DENND4B: variants seen among roughly 807,000 people sequenced by gnomAD.
DENND4B encodes the protein DENN domain containing 4B, also known as DENN domain-containing protein 4B.
DENND4B carries 67 observed loss-of-function variants against 161.0 expected under a neutral mutation model. The ratio of observed to expected loss-of-function variants is 0.42; its 90% CI spans 0.34 to 0.51. The LOEUF (loss-of-function observed/expected upper bound fraction) is 0.51, where lower values mean the gene tolerates loss of function less well. DENND4B is among the 20% of genes least tolerant of loss of function. The pLI is 0.08. For missense variants in DENND4B, 1,481 were observed against 1,968.0 expected (o/e 0.75, Z 4.68); for synonymous variants, 753 against 813.8 (o/e 0.93, Z 1.27).
At position 153,942,616 on chromosome 1, in the gene DENND4B, C is replaced by T; in HGVS notation, c.580G>A (p.Ala194Thr). ...RNLNPGMWGP[A>T]VYLCYKVGLA... is the part of the protein sequence containing the mutation. ...CCCACCTTATAGCACAGGTACACTG[C>T]TGGGCCCCACTACCCCAGAAATGGC... Residue 194 changes from alanine (A) to threonine (T), a missense_variant, in exon 4 of 28, where the codon GCA (alanine) becomes ACA (threonine). This residue lies in a region of DENND4B where 806 missense variants were observed against 1,134.4 expected (regional missense o/e 0.71). Transcript: ENST00000361217. This position sits in a 1 kb window ranked among gnomAD's most constrained non-coding sequence, Gnocchi z 6.9. 6.3e-7 allele frequency: 1 copy of T among 1,591,874 alleles called. No homozygotes were observed.
chr1:153,930,314 C>T lies in DENND4B; in HGVS notation c.4474G>A (p.Ala1492Thr). 1 of 1,613,916 alleles carries T rather than the reference C, an allele frequency of 6.2e-7. No individual in the cohort carries two copies. Among genetic ancestry groups the T allele is most frequent in the Non-Finnish European group, 8.5e-7 (1 of 1,179,802 alleles). ...TAAGGTCTCTAGCATTCTGGAGGTG[C>T]TCCAAAACATTTTCGGCAGTCAATG... The part of the protein sequence containing the change: ...KAIDCRKCFG[A>T]PPEC The change falls in exon 28 of 28, where the codon GCA becomes ACA. Residue 1492 changes from alanine (A) to threonine (T), a missense_variant. Ala to Thr is a moderately conservative substitution (Grantham distance 58, BLOSUM62 0). Coordinates refer to ENST00000361217, the MANE Select transcript of DENND4B (RefSeq NM_014856.3). This position sits in a 1 kb window ranked among gnomAD's most constrained non-coding sequence, Gnocchi z 4.7.
chr1:153,938,238 G>A (rs547654586), intron 13 of DENND4B, among the ~76,000 whole-genome samples: 14 of 152,098 alleles, frequency 9.2e-5, no homozygotes, highest in Admixed American at 2.0e-4. Context: ...GTGAAACCCT[G>A]TCTCTAGTAA....
In DENND4B at chr1:153,943,150, A is replaced by G. The variant is rs776095696; in HGVS notation, c.318-20T>C. The G allele has an allele frequency of 1.9e-6, 3 of 1,601,858 alleles. No homozygotes were observed. The highest frequency in any genetic ancestry group is 2.6e-6 in the Non-Finnish European group (3 of 1,171,242). On this transcript the variant is annotated intron_variant, in intron 2 of 27. Coordinates refer to ENST00000361217, the MANE Select transcript of DENND4B (RefSeq NM_014856.3). Reference sequence around the variant, plus strand: ...AACACCCTTGGCACAGAGAGCAAAGATAGATGTTGAGAGGTCAGGGTAGAG... The same window carrying G: ...AACACCCTTGGCACAGAGAGCAAAGGTAGATGTTGAGAGGTCAGGGTAGAG...
Position 153,946,332 on chromosome 1 carries a change from T to A in DENND4B, c.-55A>T. ...CGCGCTTCCCGGCCGGCCGGCCCGCTGGCGGGTGGCTCGGAGGGCGAGCTG... is the reference window on the plus strand; with the variant it reads ...CGCGCTTCCCGGCCGGCCGGCCCGCAGGCGGGTGGCTCGGAGGGCGAGCTG... On this transcript the variant is annotated 5_prime_UTR_variant, in exon 1 of 28. Transcript: ENST00000361217. This position sits in a 1 kb window ranked among gnomAD's most constrained non-coding sequence, Gnocchi z 6.3. The A allele has an allele frequency of 2.7e-6, 1 of 366,406 alleles. No individual in the cohort carries two copies. Among genetic ancestry groups the A allele is most frequent in the Non-Finnish European group, 4.9e-6 (1 of 205,318 alleles). The allele number at this position is 366,406 out of a possible 1,614,324, so 22.7% of individuals were successfully genotyped here.
chr1:153,938,250 A>C (rs187628561), intron 13 of DENND4B, among the ~76,000 whole-genome samples: 85 of 152,160 alleles, frequency 5.6e-4, no homozygotes, highest in African/African-American at 2.0e-3. Flanking sequence ...CTCTAGTAAA[A>C]ATACAAAAAT....
Position 153,934,824 on chromosome 1 carries a change from C to CTGCTGT in DENND4B, c.2703_2708dup (p.Gln909_Gln910dup). 7.3e-7 allele frequency: 1 copy of CTGCTGT among 1,363,304 alleles called. No individual in the cohort carries two copies. The highest frequency in any genetic ancestry group is 1.0e-6 in the Non-Finnish European group (1 of 983,644). The allele number at this position is 1,363,304 out of a possible 1,614,324, so 84.5% of individuals were successfully genotyped here. A position where few individuals can be genotyped will look rare whatever the true frequency, so the allele number is the denominator to read the frequency against. ...GCTCCTGCTGCTGCTGCTGCTGCTGCTGCTGTTGCTGCTGCTGCTGCTGTT... is the reference window on the plus strand; with the variant it reads ...GCTCCTGCTGCTGCTGCTGCTGCTGCTGCTGTTGCTGTTGCTGCTGCTGCTGCTGTT... On this transcript the variant is annotated inframe_insertion, in exon 18 of 28. Transcript: ENST00000361217. The surrounding 1 kb of genome is among the most constrained non-coding windows in gnomAD (Gnocchi z 5.3).
chr1:153,941,751 G>T, intron 6 of DENND4B, 118 bp downstream of exon 6: 1 of 1,496,796 alleles, frequency 6.7e-7, no homozygotes. Flanking sequence ...ACACACTGCA[G>T]CCCTGTCCCT....
Position 153,942,286 on chromosome 1 carries a change from G to A in DENND4B, c.711C>T (p.Cys237=). 2.5e-6 allele frequency: 4 copies of A among 1,613,874 alleles called. No individual in the cohort carries two copies. The highest frequency in any genetic ancestry group is 3.4e-6 in the Non-Finnish European group (4 of 1,179,858). The part of the protein sequence containing the change: ...FPLPESVPVF[C]LPMGATIECW... ...ACTCGATAGTGGCCCCCATGGGCAG[G>A]CAGAAGACGGGCACTGACTCGGGCA... Residue 237 remains cysteine (C), a synonymous_variant, in exon 5 of 28, where the codon TGC becomes TGT. Transcript: ENST00000361217. The surrounding 1 kb of genome is among the most constrained non-coding windows in gnomAD (Gnocchi z 6.9).
Position 153,944,013 on chromosome 1 carries a change from T to C in DENND4B, c.317+45A>G. 6.7e-7 allele frequency: 1 copy of C among 1,497,544 alleles called. No homozygotes were observed. The highest frequency in any genetic ancestry group is 8.9e-7 in the Non-Finnish European group (1 of 1,121,948). 92.8% of individuals were successfully genotyped at this position (1,497,544 alleles called of 1,614,324 possible). A position where few individuals can be genotyped will look rare whatever the true frequency, so the allele number is the denominator to read the frequency against. ...CCTACCTCTCCCTGTCTCACTGGAG[T>C]CCCTCCCAGCCTCCCCTGGTGCCAG... On this transcript the variant is annotated intron_variant, in intron 2 of 27. Coordinates refer to ENST00000361217, the MANE Select transcript of DENND4B (RefSeq NM_014856.3). The surrounding 1 kb of genome is among the most constrained non-coding windows in gnomAD (Gnocchi z 4.8).
intron 2 of DENND4B, 134 bp from the exon 3 acceptor site, chr1:153,943,264 C>A: frequency 7.9e-7 from 1 of 1,270,700 alleles, no homozygotes; most frequent in Admixed American, 2.5e-5. Flanking sequence ...ACACTAGGGC[C>A]CACCTCTTCT....
In DENND4B at chr1:153,945,266, G is replaced by C; in HGVS notation, c.-23-869C>G. On this transcript the variant is annotated intron_variant, in intron 1 of 27. Coordinates refer to ENST00000361217, the MANE Select transcript of DENND4B (RefSeq NM_014856.3). ...CAGAAGCGTGGGGGGTGCTTCAGAG[G>C]GGAAGGGAGGTTACTTCCTGAAACA... 1.7e-5 allele frequency: 15 copies of C among 896,178 alleles called. No individual in the cohort carries two copies. In the South Asian group the frequency reaches 2.1e-4, roughly 13 times the overall value. 55.5% of individuals were successfully genotyped at this position (896,178 alleles called of 1,614,324 possible). A position where few individuals can be genotyped will look rare whatever the true frequency, so the allele number is the denominator to read the frequency against.
At position 153,942,538 on chromosome 1, in the gene DENND4B, G is replaced by A. The variant is rs900039829; in HGVS notation, c.640+18C>T. On this transcript the variant is annotated intron_variant, in intron 4 of 27. Coordinates refer to ENST00000361217, the MANE Select transcript of DENND4B (RefSeq NM_014856.3). The surrounding 1 kb of genome is among the most constrained non-coding windows in gnomAD (Gnocchi z 6.9). Reference sequence around the variant, plus strand: ...GGATGTAGGGTCACAGGATTGGAGGGATAAAGGGGCCACTCACCTGCCTCG... The same window carrying A: ...GGATGTAGGGTCACAGGATTGGAGGAATAAAGGGGCCACTCACCTGCCTCG... 1.9e-6 allele frequency: 3 copies of A among 1,590,100 alleles called. No individual in the cohort carries two copies. Among genetic ancestry groups the A allele is most frequent in the Non-Finnish European group, 2.6e-6 (3 of 1,168,056 alleles).
In DENND4B at chr1:153,935,815, G is replaced by A. The variant is rs188613596; in HGVS notation, c.2568+245C>T. The A allele has an allele frequency of 1.4e-4, 65 of 479,394 alleles. 1 individual carries two copies. In the East Asian group the frequency reaches 1.5e-3, roughly 11 times the overall value. 29.7% of individuals were successfully genotyped at this position (479,394 alleles called of 1,614,324 possible). On this transcript the variant is annotated intron_variant, in intron 17 of 27. Transcript: ENST00000361217. ...TAAAATGTGTGATGCGTATGGACCCGTGCCTGGCTTAGCGGCTGACACTAT... is the reference window on the plus strand; with the variant it reads ...TAAAATGTGTGATGCGTATGGACCCATGCCTGGCTTAGCGGCTGACACTAT...
At position 153,934,441 on chromosome 1, in the gene DENND4B, G is replaced by T; in HGVS notation, c.2774-139C>A. 7.9e-7 allele frequency: 1 copy of T among 1,271,930 alleles called. No homozygotes were observed. Among genetic ancestry groups the T allele is most frequent in the Non-Finnish European group, 1.1e-6 (1 of 933,150 alleles). The allele number at this position is 1,271,930 out of a possible 1,614,324, so 78.8% of individuals were successfully genotyped here. The stretch of plus-strand genomic sequence containing the variant: ...TTATCCGTTTTGTGTTTGTTTGTTT[G>T]TTTGTTTTGTTTTGTTTTTTGAGAT... On this transcript the variant is annotated intron_variant, in intron 18 of 27. Coordinates refer to ENST00000361217, the MANE Select transcript of DENND4B (RefSeq NM_014856.3). The surrounding 1 kb of genome is among the most constrained non-coding windows in gnomAD (Gnocchi z 5.3).
chr1:153,942,808 C>G lies in DENND4B; in HGVS notation c.570+70G>C, dbSNP rs1679750894. The G allele has an allele frequency of 2.0e-6, 3 of 1,531,232 alleles. No individual in the cohort carries two copies. The highest frequency in any genetic ancestry group is 2.7e-5 in the African/African-American group (2 of 73,126). The allele number at this position is 1,531,232 out of a possible 1,614,324, so 94.9% of individuals were successfully genotyped here. A position where few individuals can be genotyped will look rare whatever the true frequency, so the allele number is the denominator to read the frequency against. On this transcript the variant is annotated intron_variant, in intron 3 of 27. Transcript: ENST00000361217. This position sits in a 1 kb window ranked among gnomAD's most constrained non-coding sequence, Gnocchi z 6.9. ...GGTCAGAGCCTTGGTCCTGGGATGC[C>G]CTTTGTTCCCAGTGTCCACACCCAC...
rs1425356082 is a variant in DENND4B, at chr1:153,932,748, C to T, written c.3653G>A (p.Ser1218Asn). 2.5e-6 allele frequency: 4 copies of T among 1,613,960 alleles called. No homozygotes were observed. The highest frequency in any genetic ancestry group is 3.4e-6 in the Non-Finnish European group (4 of 1,179,914). ...SVPSPKSAGA[S>N]GSKDAPVPGG... Reference sequence around the variant, plus strand: ...AGGGACAGGAGCATCTTTGCTGCCACTGGCACCAGCAGATTTGGGGCTGGG... The same window carrying T: ...AGGGACAGGAGCATCTTTGCTGCCATTGGCACCAGCAGATTTGGGGCTGGG... Residue 1218 changes from serine to asparagine, a missense_variant, in exon 23 of 28, where the codon AGT (serine) becomes AAT (asparagine). Ser to Asn is a conservative substitution (Grantham distance 46). Coordinates refer to ENST00000361217, the MANE Select transcript of DENND4B (RefSeq NM_014856.3). This position sits in a 1 kb window ranked among gnomAD's most constrained non-coding sequence, Gnocchi z 5.8.
At chr1:153,945,405 C>G (rs1021971828) in intron 1 of DENND4B, 1 of 316,164 alleles carries the variant, frequency 3.2e-6, no homozygotes, top group Non-Finnish European at 6.4e-6. Context: ...AAGTTGGAAT[C>G]TCAGACTATA....
At chr1:153,939,874 C>G in intron 11 of DENND4B, 70 bp from the exon 12 acceptor site, 1 of 1,464,762 alleles carries the variant, frequency 6.8e-7, no homozygotes, top group Non-Finnish European at 9.4e-7. Context: ...GCTCTCATGC[C>G]TCCATCTCCA....
In DENND4B at chr1:153,937,027, G is replaced by A. The variant is rs1036926949; in HGVS notation, c.2233-279C>T. On this transcript the variant is annotated intron_variant, in intron 15 of 27. Transcript: ENST00000361217. The surrounding 1 kb of genome is among the most constrained non-coding windows in gnomAD (Gnocchi z 4.7). ...CCAGGCTAGTCACAAACTCCTGGGC[G>A]CAAGTGATCTGCCTGCCTCAGCCTC... 2.6e-5 allele frequency among the ~76,000 whole-genome samples: 4 copies of A among 152,176 alleles called. No homozygotes were observed. Among genetic ancestry groups the A allele is most frequent in the Admixed American group, 6.5e-5 (1 of 15,276 alleles).
Sources: allele counts gnomAD v4.1 joint callset (sites outside exome capture counted in the v4.1 genomes callset), GRCh38; gene constraint gnomAD v4.1.1; regional missense constraint gnomAD v4.1.1; non-coding constraint Gnocchi (gnomAD v3.1); transcripts MANE v1.5; gene names NCBI Gene and HGNC (gene_info 2026-07-23, HGNC 2026-07-21).